NES: variants seen among roughly 807,000 people sequenced by gnomAD.
NES encodes nestin.
Under a neutral mutation model 35.6 loss-of-function variants are expected in NES, and 27 were observed. The observed-to-expected ratio is 0.76, with a 90% CI of 0.56 to 1.04. The LOEUF is 1.04. Among genes scored for constraint, NES ranks in the 50% least tolerant of loss-of-function variants. The pLI, the probability that NES is intolerant of heterozygous loss-of-function variation, is 0.00. For synonymous variants in NES, 822 were observed against 824.2 expected (o/e 1.00, Z 0.04); for missense variants, 1,867 against 1,983.6 (o/e 0.94, Z 1.12).
At position 156,671,887 on chromosome 1, in the gene NES, C is replaced by CA. The variant is rs1557998852; in HGVS notation, c.2300_2301insT (p.Arg767SerfsTer26). Reference sequence around the variant, plus strand: ...TCATCTGATCCTGTTCCCCTAGAGACCTCCGTCGCTGTTGAGTCTCTTTTT... The same window carrying CA: ...TCATCTGATCCTGTTCCCCTAGAGACACTCCGTCGCTGTTGAGTCTCTTTTT... On this transcript the variant is annotated frameshift_variant, in exon 4 of 4. Coordinates refer to ENST00000368223, the MANE Select transcript of NES (RefSeq NM_006617.2). LOFTEE classifies it low-confidence loss of function (END_TRUNC). The CA allele has an allele frequency of 1.2e-6, 2 of 1,614,084 alleles. No homozygotes were observed. Among genetic ancestry groups the CA allele is most frequent in the Admixed American group, 1.7e-5 (1 of 60,006 alleles).
intron 2 of NES, among the ~76,000 whole-genome samples, chr1:156,674,425 G>A (rs538838730): frequency 1.3e-5 from 2 of 151,986 alleles, no homozygotes; most frequent in South Asian, 2.1e-4. Context: ...TCTCCTCCAC[G>A]TCCTCCCCAG....
chr1:156,674,954 C>T (rs1232569209), intron 2 of NES, among the ~76,000 whole-genome samples: 1 of 152,236 alleles, frequency 6.6e-6, no homozygotes, highest in East Asian at 1.9e-4. Context: ...AGCCCCTCTC[C>T]AGAGGCTGTC....
rs750605766 is a variant in NES at position 156,669,289 on chromosome 1, C to T, written c.*33G>A. ...AGGCGTCCTTCCCCTCCCCGCACCC[C>T]TAAGTCCCCAGTGCCGGGCAGATGG... On this transcript the variant is annotated 3_prime_UTR_variant, in exon 4 of 4. Transcript: ENST00000368223. The T allele has an allele frequency of 2.9e-5, 43 of 1,483,064 alleles. 1 individual carries two copies. In the Admixed American group the frequency reaches 8.4e-4, roughly 29 times the overall value. The allele number at this position is 1,483,064 out of a possible 1,614,324, so 91.9% of individuals were successfully genotyped here. A position where few individuals can be genotyped will look rare whatever the true frequency, so the allele number is the denominator to read the frequency against.
chr1:156,672,895 T>G lies in NES; in HGVS notation c.1293A>C (p.Glu431Asp), dbSNP rs990340286. 4 of 1,613,836 alleles carry G rather than the reference T, an allele frequency of 2.5e-6. No individual in the cohort carries two copies. The highest frequency in any genetic ancestry group is 1.7e-5 in the Admixed American group (1 of 60,010). Reference sequence around the variant, plus strand: ...CGCTGGCAGGAATGGCCACCCTGGCTTCAGCCCGCAGGGGCTCTGGAGCCT... The same window carrying G: ...CGCTGGCAGGAATGGCCACCCTGGCGTCAGCCCGCAGGGGCTCTGGAGCCT... ...RKQAPEPLRA[E>D]ARVAIPASVL... Residue 431 changes from glutamate to aspartate, a missense_variant, in exon 4 of 4, where the codon GAA (glutamate) becomes GAC (aspartate). Transcript: ENST00000368223.
In NES at chr1:156,671,728, A is replaced by G. The variant is rs1372678248; in HGVS notation, c.2460T>C (p.Ser820=). 2.5e-6 allele frequency: 4 copies of G among 1,613,886 alleles called. No homozygotes were observed. In the Admixed American group the frequency reaches 5.0e-5, roughly 20 times the overall value. ...LKEESVEAVK[S]LETEILESLK... ...GTGATTCTAGGATCTCTGTTTCTAA[A>G]GATTTTACTGCCTCTACGCTCTCTT... Residue 820 remains serine, a synonymous_variant, in exon 4 of 4, where the codon TCT becomes TCC. Transcript: ENST00000368223.
Position 156,669,267 on chromosome 1 carries a change from C to T in NES, c.*55G>A, listed in dbSNP as rs564811295. Reference sequence around the variant, plus strand: ...CCTGAGCAGGGAGCGGGCTTGGAGGCGTCCTTCCCCTCCCCGCACCCCTAA... The same window carrying T: ...CCTGAGCAGGGAGCGGGCTTGGAGGTGTCCTTCCCCTCCCCGCACCCCTAA... On this transcript the variant is annotated 3_prime_UTR_variant, in exon 4 of 4. Coordinates refer to ENST00000368223, the MANE Select transcript of NES (RefSeq NM_006617.2). The T allele has an allele frequency of 1.6e-6, 2 of 1,271,390 alleles. No individual in the cohort carries two copies. Among genetic ancestry groups the T allele is most frequent in the Non-Finnish European group, 2.2e-6 (2 of 920,362 alleles). The allele number at this position is 1,271,390 out of a possible 1,614,324, so 78.8% of individuals were successfully genotyped here.
chr1:156,668,825 G>A lies in NES; in HGVS notation c.*497C>T, dbSNP rs920491247. 6.5e-6 allele frequency: 1 copy of A among 154,330 alleles called. No homozygotes were observed. Among genetic ancestry groups the A allele is most frequent in the African/African-American group, 2.4e-5 (1 of 41,532 alleles). The allele number at this position is 154,330 out of a possible 1,614,324, so 9.6% of individuals were successfully genotyped here. On this transcript the variant is annotated 3_prime_UTR_variant, in exon 4 of 4. Coordinates refer to ENST00000368223, the MANE Select transcript of NES (RefSeq NM_006617.2). ...AGCCAGGCAGGGCCACAGCGTGGCA[G>A]GGATGGGGGGAGTCAGCACATGGGA...
chr1:156,671,931 C>T lies in NES; in HGVS notation c.2257G>A (p.Glu753Lys), dbSNP rs760631035. Reference protein sequence around the residue: ...SLRSLEEQDQETLRTLEKETQ... With the variant: ...SLRSLEEQDQKTLRTLEKETQ... ...TCTTTTTCAAGAGTTCTCAATGTCT[C>T]TTGGTCCTGTTCTTCTAAAGACCTC... Residue 753 changes from glutamate (E) to lysine (K), a missense_variant, in exon 4 of 4, where the codon GAG becomes AAG. Glu to Lys is a moderately conservative substitution (Grantham distance 56). Coordinates refer to ENST00000368223, the MANE Select transcript of NES (RefSeq NM_006617.2). 3 of 1,614,190 alleles carry T rather than the reference C, an allele frequency of 1.9e-6. No homozygotes were observed. Among genetic ancestry groups the T allele is most frequent in the South Asian group, 2.2e-5 (2 of 91,090 alleles).
Position 156,672,772 on chromosome 1 carries a change from A to C in NES, c.1416T>G (p.Pro472=), listed in dbSNP as rs1171057687. The change falls in exon 4 of 4, where the codon CCT becomes CCG. Residue 472 remains proline (P), a synonymous_variant. Transcript: ENST00000368223. ...DHASLAPPLS[P]DHSSLEAKDG... Reference sequence around the variant, plus strand: ...CCTTAGCCTCTAAACTGGAGTGGTCAGGGCTGAGGGGTGGTGCCAAGGAGG... The same window carrying C: ...CCTTAGCCTCTAAACTGGAGTGGTCCGGGCTGAGGGGTGGTGCCAAGGAGG... The C allele has an allele frequency of 6.2e-7, 1 of 1,613,420 alleles. No individual in the cohort carries two copies. The highest frequency in any genetic ancestry group is 8.5e-7 in the Non-Finnish European group (1 of 1,180,032).
intron 3 of NES, 83 bp downstream of exon 3, chr1:156,673,371 A>G: frequency 7.0e-7 from 1 of 1,422,866 alleles, no homozygotes; most frequent in African/African-American, 1.4e-5. Flanking sequence ...TGAAATTTAG[A>G]TTGGTGCCTC....
rs1157448423 is a variant in NES, at chr1:156,670,614, G to C, written c.3574C>G (p.Leu1192Val). Residue 1192 changes from leucine (L) to valine (V), a missense_variant, in exon 4 of 4, where the codon CTG becomes GTG. Leu to Val is a conservative substitution (Grantham distance 32). Transcript: ENST00000368223. ...GAEEAFPAET[L>V]GHTGSDAPSP... ...GGGGCATCACTTCCAGTGTGGCCCA[G>C]GGTCTCAGCAGGGAACGCCTCCTCT... 5 of 1,613,846 alleles carry C rather than the reference G, an allele frequency of 3.1e-6. No individual in the cohort carries two copies. Among genetic ancestry groups the C allele is most frequent in the Non-Finnish European group, 4.2e-6 (5 of 1,179,902 alleles).
chr1:156,672,127 C>T lies in NES; in HGVS notation c.2061G>A (p.Glu687=), dbSNP rs761461988. ...PLRSPEVGDE[E]ALRPLTKENQ... ...TCTCCTTTGTCAGAGGTCTCAGTGC[C>T]TCCTCATCCCCTACTTCTGGAGATC... Residue 687 remains glutamate (E), a synonymous_variant, in exon 4 of 4, where the codon GAG becomes GAA. Coordinates refer to ENST00000368223, the MANE Select transcript of NES (RefSeq NM_006617.2). 1.2e-5 allele frequency: 19 copies of T among 1,611,462 alleles called. No homozygotes were observed. Among genetic ancestry groups the T allele is most frequent in the Non-Finnish European group, 1.4e-5 (17 of 1,179,480 alleles).
chr1:156,670,038 C>T lies in NES; in HGVS notation c.4150G>A (p.Gly1384Arg), dbSNP rs1557997666. 6.2e-7 allele frequency: 1 copy of T among 1,614,064 alleles called. No individual in the cohort carries two copies. The highest frequency in any genetic ancestry group is 1.1e-5 in the South Asian group (1 of 91,084). Reference protein sequence around the residue: ...TEAPFLPGVPGEVAEPLGQVP... With the variant: ...TEAPFLPGVPREVAEPLGQVP... The stretch of plus-strand genomic sequence containing the variant: ...TGGCCCAGAGGTTCTGCCACCTCCC[C>T]AGGGACCCCAGGAAGAAAAGGTGCC... Residue 1384 changes from glycine (G) to arginine (R), a missense_variant, in exon 4 of 4, where the codon GGG becomes AGG. Transcript: ENST00000368223.
Position 156,676,364 on chromosome 1 carries a change from G to C in NES, c.783+118C>G. On this transcript the variant is annotated intron_variant, in intron 1 of 3. Coordinates refer to ENST00000368223, the MANE Select transcript of NES (RefSeq NM_006617.2). The surrounding 1 kb of genome is among the most constrained non-coding windows in gnomAD (Gnocchi z 5.3). ...TTGTGGCACCAGGTTTCTGAGAACTGGCTCCTGATTCAGCAGCCAGCTAGC... is the reference window on the plus strand; with the variant it reads ...TTGTGGCACCAGGTTTCTGAGAACTCGCTCCTGATTCAGCAGCCAGCTAGC... The C allele has an allele frequency of 2.0e-6, 2 of 990,404 alleles. No individual in the cohort carries two copies. The highest frequency in any genetic ancestry group is 3.0e-6 in the Non-Finnish European group (2 of 677,658). The allele number at this position is 990,404 out of a possible 1,614,324, so 61.4% of individuals were successfully genotyped here.
chr1:156,676,495 G>GTAGCCCGCAGCCGCTCCTGCCAGCGGCCC lies in NES; in HGVS notation c.741_769dup (p.Thr257ArgfsTer105). ...CAACCTCCTCACCTGGAACTTTTCA[G>GTAGCCCGCAGCCGCTCCTGCCAGCGGCCC]TAGCCCGCAGCCGCTCCTGCCAGCG... On this transcript the variant is annotated frameshift_variant, in exon 1 of 4. Transcript: ENST00000368223. LOFTEE classifies it high-confidence loss of function. This position sits in a 1 kb window ranked among gnomAD's most constrained non-coding sequence, Gnocchi z 5.3. 6.3e-7 allele frequency: 1 copy of GTAGCCCGCAGCCGCTCCTGCCAGCGGCCC among 1,597,252 alleles called. No individual in the cohort carries two copies. The highest frequency in any genetic ancestry group is 8.5e-7 in the Non-Finnish European group (1 of 1,179,194).
At position 156,676,507 on chromosome 1, in the gene NES, C is replaced by T. The variant is rs375647956; in HGVS notation, c.758G>A (p.Arg253Gln). ...EQRLEGRWQE[R>Q]LRATEKFQLA... ...CTGGAACTTTTCAGTAGCCCGCAGC[C>T]GCTCCTGCCAGCGGCCCTCCAACCT... The change falls in exon 1 of 4, where the codon CGG becomes CAG. Residue 253 changes from arginine to glutamine, a missense_variant. Arg to Gln is a conservative substitution (Grantham distance 43). Coordinates refer to ENST00000368223, the MANE Select transcript of NES (RefSeq NM_006617.2). This position sits in a 1 kb window ranked among gnomAD's most constrained non-coding sequence, Gnocchi z 5.3. 23 of 1,597,382 alleles carry T rather than the reference C, an allele frequency of 1.4e-5. No individual in the cohort carries two copies. Among genetic ancestry groups the T allele is most frequent in the Admixed American group, 1.2e-4 (7 of 59,958 alleles).
chr1:156,670,859 T>TCCCCCCCCCCCCCCCCCCCCCCCCCCCCC lies in NES; in HGVS notation c.3328_3329insGGGGGGGGGGGGGGGGGGGGGGGGGGGGG (p.Asp1110GlyfsTer15). 1.9e-6 allele frequency: 3 copies of TCCCCCCCCCCCCCCCCCCCCCCCCCCCCC among 1,609,338 alleles called. No individual in the cohort carries two copies. The highest frequency in any genetic ancestry group is 2.5e-6 in the Non-Finnish European group (3 of 1,176,932). On this transcript the variant is annotated frameshift_variant, in exon 4 of 4. Transcript: ENST00000368223. LOFTEE classifies it low-confidence loss of function (END_TRUNC). ...CTCTTCCCTGGTCAGATGGCCTGGG[T>TCCCCCCCCCCCCCCCCCCCCCCCCCCCCC]CCCCCAGCCCTCCCACCCCCTGCCC...
chr1:156,669,537 C>T lies in NES; in HGVS notation c.4651G>A (p.Gly1551Arg). Residue 1551 changes from glycine (G) to arginine (R), a missense_variant, in exon 4 of 4, where the codon GGG becomes AGG. Coordinates refer to ENST00000368223, the MANE Select transcript of NES (RefSeq NM_006617.2). The stretch of plus-strand genomic sequence containing the variant: ...TGCTCCAGCCCGTTCATCACTCCCC[C>T]ATTCACATGCTGTGACTTCCCCTCC... ...NLEGKSQHVNGGVMNGLEQSE... is the reference protein window; with the variant it reads ...NLEGKSQHVNRGVMNGLEQSE... 1 of 1,612,558 alleles carries T rather than the reference C, an allele frequency of 6.2e-7. No individual in the cohort carries two copies. The highest frequency in any genetic ancestry group is 8.5e-7 in the Non-Finnish European group (1 of 1,178,870).
In NES at chr1:156,671,837, T is replaced by C; in HGVS notation, c.2351A>G (p.Asp784Gly). 1 of 1,613,900 alleles carries C rather than the reference T, an allele frequency of 6.2e-7. No homozygotes were observed. Among genetic ancestry groups the C allele is most frequent in the Non-Finnish European group, 8.5e-7 (1 of 1,179,954 alleles). The change falls in exon 4 of 4, where the codon GAT (aspartate) becomes GGT (glycine). Residue 784 changes from aspartate to glycine, a missense_variant. Asp to Gly is a moderately conservative substitution (Grantham distance 94). Transcript: ENST00000368223. ...QMTLRPPEKV[D>G]LEPLKSLDQE... ...GTCAAGAGACTTCAGTGGTTCTAGA[T>C]CCACTTTTTCTGGGGGTCTTAATGT...
Sources: allele counts gnomAD v4.1 joint callset (sites outside exome capture counted in the v4.1 genomes callset), GRCh38; gene constraint gnomAD v4.1.1; non-coding constraint Gnocchi (gnomAD v3.1); transcripts MANE v1.5; gene names NCBI Gene and HGNC (gene_info 2026-07-23, HGNC 2026-07-21).